CCSER1: variants seen among roughly 807,000 people sequenced by gnomAD.
The protein encoded by CCSER1 is coiled-coil serine rich protein 1, also known as serine-rich coiled-coil domain-containing protein 1.
In CCSER1, 41 loss-of-function variants were observed where a neutral mutation model predicts 82.0. The observed-to-expected ratio is 0.50, with a 90% CI of 0.39 to 0.65. The LOEUF is 0.65. Among genes scored for constraint, CCSER1 ranks in the 30% least tolerant of loss-of-function variants. CCSER1 has a pLI of 0.00. For missense variants in CCSER1, 1,119 were observed against 1,064.2 expected (o/e 1.05, Z -0.72); for synonymous variants, 414 against 383.9 (o/e 1.08, Z -0.92).
chr4:91,359,613 G>A (rs758076022), intron 10 of CCSER1, among the ~76,000 whole-genome samples: 4 of 151,592 alleles, frequency 2.6e-5, no homozygotes, highest in Non-Finnish European at 3.0e-5. Context: ...TATCTCAAGC[G>A]ATTAGTATCT....
intron 10 of CCSER1, among the ~76,000 whole-genome samples, chr4:91,391,315 T>C (rs902339326): frequency 6.6e-6 from 1 of 152,190 alleles, no homozygotes; most frequent in Non-Finnish European, 1.5e-5. Context: ...TTTTATTTTT[T>C]ATTGAGACAG....
intron 5 of CCSER1, among the ~76,000 whole-genome samples, chr4:90,587,640 C>T (rs1206583538): frequency 6.6e-6 from 1 of 152,170 alleles, no homozygotes; most frequent in Admixed American, 6.5e-5. Flanking sequence ...AGTTAATAAA[C>T]TGGATCCTAG....
chr4:91,224,510 G>A (rs1305333365), intron 10 of CCSER1, among the ~76,000 whole-genome samples: 1 of 152,148 alleles, frequency 6.6e-6, no homozygotes, highest in East Asian at 1.9e-4. Flanking sequence ...TGTGGTTACT[G>A]AGCACTTGAA....
At chr4:90,439,083 GGAGTTTGAGACAGGCTTGACCAA>G (rs912150528) in intron 4 of CCSER1, among the ~76,000 whole-genome samples, 8 of 152,046 alleles carry the variant, frequency 5.3e-5, no homozygotes, top group African/African-American at 1.9e-4. Context: ...CACGAGGTCA[GGAGTTTGAGACAGGCTTGACCAA>G]GATGGTGAAA....
intron 10 of CCSER1, among the ~76,000 whole-genome samples, chr4:91,436,938 G>T (rs559678431): frequency 1.3e-5 from 2 of 152,276 alleles, no homozygotes; most frequent in East Asian, 3.9e-4. Context: ...TTGGTGCCTA[G>T]GGACTTCCTA....
chr4:91,573,761 A>T (rs1348015889), intron 10 of CCSER1, among the ~76,000 whole-genome samples: 1 of 152,026 alleles, frequency 6.6e-6, no homozygotes, highest in Non-Finnish European at 1.5e-5. Flanking sequence ...AAGGTGTTGT[A>T]TTTACTTGCC....
intron 3 of CCSER1, among the ~76,000 whole-genome samples, chr4:90,355,135 C>T (rs2153514851): frequency 6.6e-6 from 1 of 151,974 alleles, no homozygotes; most frequent in African/African-American, 2.4e-5. Flanking sequence ...AAATCTTTAC[C>T]TAATATATTA....
intron 1 of CCSER1, among the ~76,000 whole-genome samples, chr4:90,300,619 A>T (rs1459729915): frequency 6.6e-6 from 1 of 152,148 alleles, no homozygotes; most frequent in Admixed American, 6.6e-5. Context: ...ATAATGAAAA[A>T]ATATGAGGGG....
intron 8 of CCSER1, among the ~76,000 whole-genome samples, chr4:90,872,161 G>T: frequency 6.6e-6 from 1 of 151,468 alleles, no homozygotes; most frequent in Non-Finnish European, 1.5e-5. Context: ...AGTCCATTTG[G>T]ATTCAATGTT....
intron 6 of CCSER1, among the ~76,000 whole-genome samples, chr4:90,666,133 A>G (rs1369564626): frequency 6.6e-6 from 1 of 152,046 alleles, no homozygotes; most frequent in Admixed American, 6.6e-5. Context: ...CCTCTGCCAC[A>G]TCACTTCTGA....
intron 3 of CCSER1, among the ~76,000 whole-genome samples, chr4:90,396,671 A>G (rs1752006207): frequency 6.6e-6 from 1 of 152,056 alleles, no homozygotes; most frequent in Non-Finnish European, 1.5e-5. Flanking sequence ...GAGATTACCT[A>G]GGGAGAAGCC....
At chr4:90,686,229 G>A (rs1055095016) in intron 6 of CCSER1, among the ~76,000 whole-genome samples, 3 of 151,864 alleles carry the variant, frequency 2.0e-5, no homozygotes, top group East Asian at 1.9e-4. Context: ...CCTCTCTCTC[G>A]ACCCTGTCAT....
At chr4:90,439,075 C>T (rs1040344213) in intron 4 of CCSER1, among the ~76,000 whole-genome samples, 3 of 152,110 alleles carry the variant, frequency 2.0e-5, no homozygotes, top group Non-Finnish European at 4.4e-5. Flanking sequence ...AGGTAGATCA[C>T]GAGGTCAGGA....
chr4:90,354,384 T>C (rs898038311), intron 3 of CCSER1, among the ~76,000 whole-genome samples: 1 of 152,144 alleles, frequency 6.6e-6, no homozygotes, highest in African/African-American at 2.4e-5. Context: ...TAACATGAGA[T>C]GAATATGTTC....
At position 90,649,123 on chromosome 4, in the gene CCSER1, G is replaced by A. The variant is rs1206780721; in HGVS notation, c.1932+20891G>A. ...TAAGAAATTTTTCATACAGAAGCAT[G>A]TTGTGAAAATAACAATCCTGTCCAG... On this transcript the variant is annotated intron_variant, in intron 6 of 10. Coordinates refer to ENST00000509176, the MANE Select transcript of CCSER1 (RefSeq NM_001145065.2). 3.9e-5 allele frequency among the ~76,000 whole-genome samples: 6 copies of A among 152,178 alleles called. 1 individual carries two copies. The East Asian group carries it at 5.8e-4, about 15-fold the overall frequency.
intron 10 of CCSER1, among the ~76,000 whole-genome samples, chr4:91,117,950 G>A (rs1726768289): frequency 6.6e-6 from 1 of 151,944 alleles, no homozygotes; most frequent in Non-Finnish European, 1.5e-5. Flanking sequence ...ACTAAGTGTT[G>A]CCATCTTTGA....
intron 8 of CCSER1, among the ~76,000 whole-genome samples, chr4:90,863,087 C>T (rs1043825942): frequency 5.3e-5 from 8 of 151,334 alleles, no homozygotes; most frequent in Non-Finnish European, 8.9e-5. Flanking sequence ...TATCCCTCCC[C>T]GCTCCCCCCA....
chr4:90,398,169 G>C (rs115916546), intron 3 of CCSER1, among the ~76,000 whole-genome samples: 1,545 of 152,224 alleles, frequency 0.01, 17 homozygotes, highest in South Asian at 0.03. Flanking sequence ...CACTCTCTGT[G>C]TGTGCTGTCT....
At chr4:90,185,146 A>G (rs1295428256) in intron 1 of CCSER1, among the ~76,000 whole-genome samples, 4 of 152,060 alleles carry the variant, frequency 2.6e-5, no homozygotes, top group African/African-American at 9.7e-5. Flanking sequence ...AGGTACATTC[A>G]CACCTTCACA....
Sources: allele counts gnomAD v4.1 joint callset (sites outside exome capture counted in the v4.1 genomes callset), GRCh38; gene constraint gnomAD v4.1.1; transcripts MANE v1.5; gene names NCBI Gene and HGNC (gene_info 2026-07-23, HGNC 2026-07-21).